DPP6: variants seen among roughly 807,000 people sequenced by gnomAD.
DPP6 encodes dipeptidyl peptidase like 6.
DPP6 carries 69 observed loss-of-function variants against 122.6 expected under a neutral mutation model. The ratio of observed to expected loss-of-function variants is 0.56; its 90% confidence interval spans 0.46 to 0.69. DPP6 has a LOEUF of 0.69. Ranked by LOEUF, DPP6 falls within the 30% of genes least tolerant of loss-of-function variation. The pLI is 0.00. For missense variants in DPP6, 928 were observed against 1,116.9 expected (o/e 0.83, Z 2.41); for synonymous variants, 418 against 433.1 (o/e 0.97, Z 0.43).
Position 153,989,233 on chromosome 7 carries a change from G to A in DPP6, c.51+101499G>A, listed in dbSNP as rs529055228. Among the ~76,000 whole-genome samples the A allele has an allele frequency of 2.2e-5, 3 of 133,690 alleles. No individual in the cohort carries two copies. In the South Asian group the frequency reaches 1.0e-3, roughly 46 times the overall value. 87.7% of individuals were successfully genotyped at this position (133,690 alleles called of 152,430 possible). On this transcript the variant is annotated intron_variant, in intron 1 of 25. Coordinates refer to the DPP6 transcript ENST00000404039. The stretch of plus-strand genomic sequence containing the variant: ...TGAAAATGGGAGAAAGTGTGAGCGT[G>A]TCACAGTGTGTGTCACTGAGTGGGC...
intron 1 of DPP6, among the ~76,000 whole-genome samples, chr7:153,957,799 G>T (rs1474258602): frequency 6.6e-6 from 1 of 152,158 alleles, no homozygotes; most frequent in Non-Finnish European, 1.5e-5. Flanking sequence ...TTCTCAACAA[G>T]TTTACATGCC....
At chr7:154,657,673 G>A (rs1383850164) in intron 6 of DPP6, among the ~76,000 whole-genome samples, 1 of 66,918 alleles carries the variant, frequency 1.5e-5, no homozygotes, top group East Asian at 5.4e-4. Flanking sequence ...AGGTGCTCAT[G>A]GGTGGGTGGA....
chr7:153,918,978 CAAA>C (rs386411718), intron 1 of DPP6, among the ~76,000 whole-genome samples: 10 of 89,340 alleles, frequency 1.1e-4, no homozygotes, highest in Admixed American at 4.4e-4. Context: ...GACTCTGTCT[CAAA>C]AAAAAAAAAA....
chr7:154,730,728 C>T (rs966124309), intron 8 of DPP6, among the ~76,000 whole-genome samples: 1 of 152,100 alleles, frequency 6.6e-6, no homozygotes, highest in Non-Finnish European at 1.5e-5. Context: ...AAGGTGTGTC[C>T]CCCGTCCCTA....
At chr7:153,796,730 A>G in the DPP6 span, among the ~76,000 whole-genome samples, 1 of 152,142 alleles carries the variant, frequency 6.6e-6, no homozygotes, top group Admixed American at 6.5e-5. Flanking sequence ...AATCAATCAT[A>G]CCTACATAAT....
chr7:153,838,892 A>G, the DPP6 span, among the ~76,000 whole-genome samples: 1 of 151,268 alleles, frequency 6.6e-6, no homozygotes, highest in Non-Finnish European at 1.5e-5. Flanking sequence ...TAAAATTGAA[A>G]AATTAGGAGC....
At chr7:154,160,057 C>T (rs1124782) in intron 1 of DPP6, among the ~76,000 whole-genome samples, 2,554 of 152,168 alleles carry the variant, frequency 0.017, 35 homozygotes, top group African/African-American at 0.059. Flanking sequence ...CGGCAGTGAG[C>T]CCTGATCATA....
rs570175197 is a variant in DPP6 at position 154,310,209 on chromosome 7, A to T, written c.244-136005A>T. Among the ~76,000 whole-genome samples the T allele has an allele frequency of 8.5e-5, 13 of 152,226 alleles. No individual in the cohort carries two copies. In the South Asian group the frequency reaches 2.5e-3, roughly 29 times the overall value. On this transcript the variant is annotated intron_variant, in intron 1 of 25. Transcript: ENST00000377770. ...GGGGAGCAGCATGGAGTCTTTGGGGAAGGGAAAGAGCTTAGCTGGTGTGGT... is the reference window on the plus strand; with the variant it reads ...GGGGAGCAGCATGGAGTCTTTGGGGTAGGGAAAGAGCTTAGCTGGTGTGGT...
chr7:154,614,011 C>A (rs1834074822), intron 5 of DPP6, among the ~76,000 whole-genome samples: 1 of 152,218 alleles, frequency 6.6e-6, no homozygotes, highest in African/African-American at 2.4e-5. Flanking sequence ...TTTAACATGG[C>A]CTCTTGAGAG....
intron 17 of DPP6, among the ~76,000 whole-genome samples, chr7:154,867,748 G>A (rs912334735): frequency 2.0e-5 from 3 of 152,204 alleles, no homozygotes; most frequent in Non-Finnish European, 2.9e-5. Flanking sequence ...GTGGGGGAAG[G>A]AGAAAGCCTA....
At chr7:154,172,538 T>A (rs1797587368) in intron 1 of DPP6, among the ~76,000 whole-genome samples, 1 of 152,082 alleles carries the variant, frequency 6.6e-6, no homozygotes, top group Non-Finnish European at 1.5e-5. Context: ...CATTTCTGAG[T>A]CTTGGACCAC....
intron 3 of DPP6, among the ~76,000 whole-genome samples, chr7:154,503,715 T>G (rs1271454233): frequency 6.6e-6 from 1 of 152,212 alleles, no homozygotes; most frequent in Non-Finnish European, 1.5e-5. Flanking sequence ...CACAGATGTT[T>G]GATTTTTTGG....
chr7:154,734,538 A>C (rs756918236), intron 8 of DPP6, among the ~76,000 whole-genome samples: 3 of 152,216 alleles, frequency 2.0e-5, no homozygotes, highest in Non-Finnish European at 4.4e-5. Context: ...TGGGAATTGG[A>C]ATGATGTTCA....
intron 7 of DPP6, 106 bp downstream of exon 7, chr7:154,669,547 TG>T: frequency 7.2e-7 from 1 of 1,384,388 alleles, no homozygotes. Context: ...GTTGTGTGTG[TG>T]TGTGTGTGTG....
At chr7:153,838,819 A>G in the DPP6 span, among the ~76,000 whole-genome samples, 1 of 152,228 alleles carries the variant, frequency 6.6e-6, no homozygotes, top group Non-Finnish European at 1.5e-5. Context: ...TTTAGCTTAA[A>G]CTAAAATAAA....
intron 1 of DPP6, among the ~76,000 whole-genome samples, chr7:154,285,887 C>T (rs945454778): frequency 5.9e-5 from 9 of 152,280 alleles, no homozygotes; most frequent in South Asian, 4.1e-4. Flanking sequence ...AAAACTCCGG[C>T]GTGTTTTTCA....
intron 7 of DPP6, among the ~76,000 whole-genome samples, chr7:154,700,727 C>T (rs1840471499): frequency 6.6e-6 from 1 of 151,596 alleles, no homozygotes; most frequent in Admixed American, 6.6e-5. Flanking sequence ...CCTCGAACCC[C>T]ATCACACACA....
chr7:154,108,711 G>T (rs1408852821), intron 1 of DPP6, among the ~76,000 whole-genome samples: 1 of 152,220 alleles, frequency 6.6e-6, no homozygotes, highest in Admixed American at 6.5e-5. Context: ...AAACGTGGAG[G>T]CAACAACTCA....
chr7:154,889,594 C>T lies in DPP6; in HGVS notation c.2451+64C>T, dbSNP rs1806440132. The stretch of plus-strand genomic sequence containing the variant: ...AGACATTCCTTTCATGGAGAAAGAC[C>T]TGACGGGTGTTCAGGGCCTTCTACT... On this transcript the variant is annotated intron_variant, in intron 25 of 25. Coordinates refer to ENST00000377770, the MANE Select transcript of DPP6 (RefSeq NM_130797.4). 4.5e-6 allele frequency: 7 copies of T among 1,556,620 alleles called. No individual in the cohort carries two copies. The Admixed American group carries it at 1.4e-4, about 30-fold the overall frequency.
Sources: allele counts gnomAD v4.1 joint callset (sites outside exome capture counted in the v4.1 genomes callset), GRCh38; gene constraint gnomAD v4.1.1; transcripts MANE v1.5; gene names NCBI Gene and HGNC (gene_info 2026-07-23, HGNC 2026-07-21).